RCSD1: variants seen among roughly 807,000 people sequenced by gnomAD.
RCSD1 encodes the protein capZ-interacting protein.
A neutral mutation model predicts 42.5 loss-of-function variants in RCSD1; 26 were observed. The ratio of observed to expected loss-of-function variants is 0.61; its 90% CI spans 0.45 to 0.85. The LOEUF (loss-of-function observed/expected upper bound fraction) is 0.85. RCSD1 is among the 40% of genes least tolerant of loss of function. RCSD1 has a pLI of 0.00. For synonymous variants in RCSD1, 220 were observed against 212.2 expected (o/e 1.04, Z -0.32); for missense variants, 571 against 528.3 (o/e 1.08, Z -0.79).
At chr1:167,664,351 C>CTGTG (rs1317186800) in intron 1 of RCSD1, 1 of 152,202 alleles carries the variant, frequency 6.6e-6, no homozygotes, top group Non-Finnish European at 1.5e-5. Context: ...TGCTCACGCC[C>CTGTG]TGAGGCACAC....
intron 1 of RCSD1, among the ~76,000 whole-genome samples, chr1:167,663,154 C>T (rs999675593): frequency 6.6e-6 from 1 of 152,190 alleles, no homozygotes; most frequent in Non-Finnish European, 1.5e-5. Context: ...CAGGACAGGG[C>T]TTGTCTGCTC....
In RCSD1 at chr1:167,630,359, C is replaced by A; in HGVS notation, c.-65C>A. On this transcript the variant is annotated 5_prime_UTR_variant, in exon 1 of 7. Coordinates refer to ENST00000367854, the MANE Select transcript of RCSD1 (RefSeq NM_052862.4). ...CCACGGCCGGGAGCGGAGGGGACAGCGGGGATCGTGAGCTCCGGCCCGGGC... is the reference window on the plus strand; with the variant it reads ...CCACGGCCGGGAGCGGAGGGGACAGAGGGGATCGTGAGCTCCGGCCCGGGC... The A allele has an allele frequency of 6.9e-7, 1 of 1,440,958 alleles. No homozygotes were observed. Among genetic ancestry groups the A allele is most frequent in the Non-Finnish European group, 9.2e-7 (1 of 1,084,824 alleles). 89.3% of individuals were successfully genotyped at this position (1,440,958 alleles called of 1,614,324 possible).
intron 1 of RCSD1, among the ~76,000 whole-genome samples, chr1:167,661,657 G>A (rs1466129511): frequency 3.9e-5 from 6 of 152,196 alleles, no homozygotes; most frequent in African/African-American, 1.4e-4. Context: ...GAGGTGGTGG[G>A]ATAAAGTACT....
rs1411841835 is a variant in RCSD1 at position 167,697,588 on chromosome 1, G to A, written c.964G>A (p.Val322Met). 3 of 1,607,994 alleles carry A rather than the reference G, an allele frequency of 1.9e-6. No individual in the cohort carries two copies. In the East Asian group the frequency reaches 6.7e-5, roughly 36 times the overall value. Reference sequence around the variant, plus strand: ...GGCTACAGAGGTGAAGGGGGAGAGGGTGCAAAATGAAGAGGTGGGACCTGA... The same window carrying A: ...GGCTACAGAGGTGAAGGGGGAGAGGATGCAAAATGAAGAGGTGGGACCTGA... ...EKATEVKGER[V>M]QNEEVGPEHD... Residue 322 changes from valine (V) to methionine (M), a missense_variant, in exon 6 of 7, where the codon GTG (valine) becomes ATG (methionine). Physicochemically the swap from Val to Met is conservative, Grantham distance 21. Coordinates refer to ENST00000367854, the MANE Select transcript of RCSD1 (RefSeq NM_052862.4).
chr1:167,702,786 A>AATAAATAC (rs201255109), intron 6 of RCSD1, among the ~76,000 whole-genome samples: 19 of 152,116 alleles, frequency 1.2e-4, no homozygotes, highest in Non-Finnish European at 2.2e-4. Context: ...AAATAAATAA[A>AATAAATAC]ATAAATACAT....
At chr1:167,677,132 AT>A (rs1351406563) in intron 1 of RCSD1, among the ~76,000 whole-genome samples, 1 of 152,182 alleles carries the variant, frequency 6.6e-6, no homozygotes, top group Non-Finnish European at 1.5e-5. Context: ...GCTTGTTTCA[AT>A]TCCTCTACCT....
chr1:167,697,187 G>T lies in RCSD1; in HGVS notation c.563G>T (p.Arg188Met), dbSNP rs757141452. ...GACTGTGGAGAACTTGGAGATTTCAGGGCGGTGGAGTCATCTCAGCAGAAC... is the reference window on the plus strand; with the variant it reads ...GACTGTGGAGAACTTGGAGATTTCATGGCGGTGGAGTCATCTCAGCAGAAC... Reference protein sequence around the residue: ...QSDCGELGDFRAVESSQQNGA... With the variant: ...QSDCGELGDFMAVESSQQNGA... The change falls in exon 6 of 7, where the codon AGG (arginine) becomes ATG (methionine). Residue 188 changes from arginine to methionine, a missense_variant. By Grantham distance (91) the Arg-to-Met change is moderately conservative. Transcript: ENST00000367854. The T allele has an allele frequency of 6.2e-6, 10 of 1,614,184 alleles. No individual in the cohort carries two copies. Among genetic ancestry groups the T allele is most frequent in the Non-Finnish European group, 6.8e-6 (8 of 1,180,038 alleles).
chr1:167,664,830 A>G (rs1235335), intron 1 of RCSD1: 51,167 of 152,116 alleles, frequency 0.34, 9,009 homozygotes, highest in Middle Eastern at 0.37. Context: ...AACTGAGGTC[A>G]AGAGTTCAAG....
rs759711102 is a variant in RCSD1, at chr1:167,708,339, T to C, written c.*3643T>C. ...ATAGGGCAAAACCTGAAACACCCAA[T>C]TACTATCCCATTGTTTGCTTCAAAA... is the stretch of plus-strand genomic sequence containing the variant. On this transcript the variant is annotated 3_prime_UTR_variant, in exon 7 of 7. Transcript: ENST00000367854. Among the ~76,000 whole-genome samples, 29 of 152,218 alleles carry C rather than the reference T, an allele frequency of 1.9e-4. No homozygotes were observed. Among genetic ancestry groups the C allele is most frequent in the Non-Finnish European group, 3.7e-4 (25 of 68,038 alleles).
At chr1:167,679,799 G>A (rs1659035573) in intron 1 of RCSD1, among the ~76,000 whole-genome samples, 1 of 152,230 alleles carries the variant, frequency 6.6e-6, no homozygotes. Context: ...GAGCGCAGAA[G>A]GTGGAGAGAC....
intron 1 of RCSD1, among the ~76,000 whole-genome samples, chr1:167,630,948 T>C (rs1657682395): frequency 6.6e-6 from 1 of 152,310 alleles, no homozygotes; most frequent in African/African-American, 2.4e-5. Context: ...AGTTGTCTTC[T>C]TGCTTCTGAA....
intron 1 of RCSD1, chr1:167,630,707 AG>A (rs1657673281): frequency 5.8e-6 from 1 of 173,218 alleles, no homozygotes; most frequent in Admixed American, 7.7e-5. Flanking sequence ...TATTTTGGCT[AG>A]GAACTTAAAT....
intron 1 of RCSD1, among the ~76,000 whole-genome samples, chr1:167,631,321 C>CG (rs1397680736): frequency 6.6e-6 from 1 of 152,178 alleles, no homozygotes; most frequent in Non-Finnish European, 1.5e-5. Context: ...GGACCTGGGG[C>CG]TTTTGAGAAG....
chr1:167,670,383 C>G (rs1052229594), intron 1 of RCSD1, among the ~76,000 whole-genome samples: 4 of 148,640 alleles, frequency 2.7e-5, no homozygotes, highest in African/African-American at 9.9e-5. Context: ...ACCACTCGAG[C>G]TGTTCAGAGG....
chr1:167,691,209 A>T (rs1341030482), intron 4 of RCSD1, among the ~76,000 whole-genome samples: 2 of 152,238 alleles, frequency 1.3e-5, no homozygotes, highest in Non-Finnish European at 1.5e-5. Flanking sequence ...ACAAGTTGTG[A>T]CAATGAAAAA....
At chr1:167,700,645 C>T (rs1355186856) in intron 6 of RCSD1, among the ~76,000 whole-genome samples, 2 of 148,108 alleles carry the variant, frequency 1.4e-5, no homozygotes, top group Non-Finnish European at 3.0e-5. Flanking sequence ...AGCAAGATTC[C>T]GTCTCAAAAA....
At chr1:167,688,057 C>A (rs550632927) in intron 3 of RCSD1, among the ~76,000 whole-genome samples, 2 of 152,232 alleles carry the variant, frequency 1.3e-5, no homozygotes, top group African/African-American at 2.4e-5. Flanking sequence ...TTAGTCTCAG[C>A]CGCTTGCCTG....
intron 1 of RCSD1, among the ~76,000 whole-genome samples, chr1:167,676,224 A>G (rs983489906): frequency 6.6e-6 from 1 of 152,232 alleles, no homozygotes; most frequent in Admixed American, 6.5e-5. Context: ...GAACCCAGAC[A>G]GTCTGGCTCA....
intron 1 of RCSD1, among the ~76,000 whole-genome samples, chr1:167,671,075 C>T (rs777992730): frequency 3.9e-5 from 6 of 152,200 alleles, no homozygotes; most frequent in South Asian, 2.1e-4. Flanking sequence ...CCCTATTCTC[C>T]GTTTTCTTAT....
Sources: allele counts gnomAD v4.1 joint callset (sites outside exome capture counted in the v4.1 genomes callset), GRCh38; gene constraint gnomAD v4.1.1; transcripts MANE v1.5; gene names NCBI Gene and HGNC (gene_info 2026-07-23, HGNC 2026-07-21).